UIMC1: variants seen among roughly 807,000 people sequenced by gnomAD.
UIMC1 encodes the protein BRCA1-A complex subunit RAP80.
In UIMC1, 42 loss-of-function variants were observed where a neutral mutation model predicts 84.9. That is an observed-to-expected ratio of 0.49 (90% CI 0.39 to 0.64). UIMC1 has a LOEUF of 0.64. Among genes scored for constraint, UIMC1 ranks in the 30% least tolerant of loss-of-function variants. The pLI, the probability that UIMC1 is intolerant of heterozygous loss-of-function variation, is 0.00. For synonymous variants in UIMC1, 281 were observed against 293.0 expected (o/e 0.96, Z 0.42); for missense variants, 825 against 847.6 (o/e 0.97, Z 0.33).
At chr5:176,919,776 C>T (rs1293717819) in intron 10 of UIMC1, among the ~76,000 whole-genome samples, 1 of 152,210 alleles carries the variant, frequency 6.6e-6, no homozygotes, top group African/African-American at 2.4e-5. Context: ...ATTGTCTTGA[C>T]ATTCTTCTCA....
intron 3 of UIMC1, 152 bp from the exon 4 acceptor site, chr5:176,971,018 A>T (rs1218580194): frequency 8.7e-7 from 1 of 1,147,006 alleles, no homozygotes. Context: ...AAACCCCAGA[A>T]GGAAAGGTGT....
At chr5:176,995,609 C>T (rs1350330751) in intron 1 of UIMC1, among the ~76,000 whole-genome samples, 4 of 147,574 alleles carry the variant, frequency 2.7e-5, no homozygotes, top group African/African-American at 1.0e-4. Context: ...TTTGGGAGTC[C>T]AAGGCGGGTG....
At chr5:176,941,114 T>A (rs1764366423) in intron 10 of UIMC1, among the ~76,000 whole-genome samples, 1 of 152,228 alleles carries the variant, frequency 6.6e-6, no homozygotes, top group African/African-American at 2.4e-5. Flanking sequence ...CTTGAAGCAT[T>A]TCAAATATGT....
In UIMC1 at chr5:176,970,766, C is replaced by T. The variant is rs747763288; in HGVS notation, c.333G>A (p.Arg111=). Residue 111 remains arginine (R), a synonymous_variant, in exon 4 of 15, where the codon AGG becomes AGA. Transcript: ENST00000511320. ...SQEEEEEELL[R]KAIAESLNSC... ...CATTCAGGCTTTCAGCAATGGCTTT[C>T]CTCAAGAGCTCCTCTTCTTCCTCCT... The T allele has an allele frequency of 6.2e-7, 1 of 1,614,156 alleles. No individual in the cohort carries two copies. The highest frequency in any genetic ancestry group is 8.5e-7 in the Non-Finnish European group (1 of 1,180,034).
At chr5:176,955,115 T>C (rs543460159) in intron 8 of UIMC1, among the ~76,000 whole-genome samples, 1 of 152,288 alleles carries the variant, frequency 6.6e-6, no homozygotes, top group South Asian at 2.1e-4. Context: ...CCTTAGAAAG[T>C]AGTGGTTCAT....
Position 176,905,137 on chromosome 5 carries a change from TA to T in UIMC1, c.*144del. ...TTGTCTGCATAGATCATAAAAAACA[TA>T]AAAACCAGAATGCTGGGTAGGTGCT... On this transcript the variant is annotated 3_prime_UTR_variant, in exon 15 of 15. Transcript: ENST00000511320. The T allele has an allele frequency of 1.3e-6, 1 of 757,024 alleles. No homozygotes were observed. Among genetic ancestry groups the T allele is most frequent in the Non-Finnish European group, 2.1e-6 (1 of 476,572 alleles). 46.9% of individuals were successfully genotyped at this position (757,024 alleles called of 1,614,324 possible). A position where few individuals can be genotyped will look rare whatever the true frequency, so the allele number is the denominator to read the frequency against.
intron 1 of UIMC1, among the ~76,000 whole-genome samples, chr5:177,012,136 A>G (rs1431571046): frequency 1.3e-5 from 2 of 152,036 alleles, no homozygotes; most frequent in Non-Finnish European, 2.9e-5. Context: ...TGGCATCCAA[A>G]TCTGTTTTTC....
rs570084130 is a variant in UIMC1 at position 176,971,985 on chromosome 5, T to C, written c.233-1119A>G. Among the ~76,000 whole-genome samples, 13 of 152,366 alleles carry C rather than the reference T, an allele frequency of 8.5e-5. No individual in the cohort carries two copies. The South Asian group carries it at 1.0e-3, about 12-fold the overall frequency. On this transcript the variant is annotated intron_variant, in intron 3 of 14. Transcript: ENST00000511320. ...AAATACATAGACTAACCAGTCACTG[T>C]TGAAGAATGTCAGTGAATCCACTAT...
intron 1 of UIMC1, among the ~76,000 whole-genome samples, chr5:176,985,321 T>C (rs1771799307): frequency 6.6e-6 from 1 of 151,934 alleles, no homozygotes; most frequent in Non-Finnish European, 1.5e-5. Context: ...CCGGGCGTGG[T>C]AGCGCATGCC....
At chr5:176,968,443 A>G (rs1768659523) in intron 6 of UIMC1, 112 bp downstream of exon 6, 7 of 1,399,428 alleles carry the variant, frequency 5.0e-6, no homozygotes, top group Non-Finnish European at 6.8e-6. Context: ...TATAGTGAAC[A>G]TGTATTACTT....
chr5:176,969,592 G>A lies in UIMC1; in HGVS notation c.463+9C>T, dbSNP rs1390866769. On this transcript the variant is annotated intron_variant, in intron 5 of 14. Coordinates refer to ENST00000511320, the MANE Select transcript of UIMC1 (RefSeq NM_001199298.2). ...GATGAATGGAAGGAGTCAGAACAGG[G>A]AGACATGCCTTCAGTGAGCCCAGAG... 6.8e-6 allele frequency: 11 copies of A among 1,613,100 alleles called. No individual in the cohort carries two copies. In the South Asian group the frequency reaches 8.8e-5, roughly 13 times the overall value.
intron 1 of UIMC1, among the ~76,000 whole-genome samples, chr5:176,997,657 T>A (rs184843340): frequency 7.3e-6 from 1 of 137,788 alleles, no homozygotes; most frequent in Non-Finnish European, 1.5e-5. Flanking sequence ...TGCACTCCAG[T>A]CTGGGCAACA....
chr5:176,937,472 G>A (rs963005692), intron 10 of UIMC1, among the ~76,000 whole-genome samples: 7 of 151,992 alleles, frequency 4.6e-5, no homozygotes, highest in East Asian at 1.9e-4. Flanking sequence ...CAGCCTGGGC[G>A]ACAGAGCAAG....
intron 1 of UIMC1, among the ~76,000 whole-genome samples, chr5:176,990,570 G>A (rs995885847): frequency 2.0e-5 from 3 of 152,056 alleles, no homozygotes; most frequent in Non-Finnish European, 2.9e-5. Flanking sequence ...ATATTAATTC[G>A]CAAGAAGTGA....
chr5:176,965,614 C>T (rs1294716326), intron 6 of UIMC1, among the ~76,000 whole-genome samples: 1 of 152,118 alleles, frequency 6.6e-6, no homozygotes, highest in Admixed American at 6.5e-5. Flanking sequence ...AGCCATTGTG[C>T]CTAGCCAAGT....
chr5:176,980,102 A>G (rs1770782710), intron 2 of UIMC1: 1 of 152,238 alleles, frequency 6.6e-6, no homozygotes. Flanking sequence ...TTCAGGCCTT[A>G]ACACTCAGCA....
intron 1 of UIMC1, among the ~76,000 whole-genome samples, chr5:177,020,585 C>G (rs899215920): frequency 4.6e-5 from 7 of 152,148 alleles, no homozygotes; most frequent in African/African-American, 1.7e-4. Context: ...CGCCCGCCAC[C>G]ACGCCCGGCT....
chr5:176,914,650 A>G (rs1323142085), intron 10 of UIMC1, among the ~76,000 whole-genome samples: 2 of 152,236 alleles, frequency 1.3e-5, no homozygotes, highest in Non-Finnish European at 2.9e-5. Flanking sequence ...GCCTCTGCGG[A>G]GGATGACAGG....
chr5:177,008,606 C>T (rs1344434144), upstream of UIMC1, among the ~76,000 whole-genome samples: 1 of 152,124 alleles, frequency 6.6e-6, no homozygotes, highest in Non-Finnish European at 1.5e-5. Flanking sequence ...ACTATTGATG[C>T]ATTGGTGGTG....
Sources: gnomAD v4.1 joint callset for allele counts (sites outside exome capture counted in the v4.1 genomes callset) on GRCh38, gnomAD v4.1.1 for gene constraint, MANE v1.5 for transcripts, NCBI Gene and HGNC (gene_info 2026-07-23, HGNC 2026-07-21) for gene names.